ARPC3: variants seen among roughly 807,000 people sequenced by gnomAD.
ARPC3 encodes actin related protein 2/3 complex subunit 3, also known as actin-related protein 2/3 complex subunit 3.
In ARPC3, 12 loss-of-function variants were observed where a neutral mutation model predicts 27.6. That is an observed-to-expected ratio of 0.43 (90% CI 0.28 to 0.70). ARPC3 has a LOEUF of 0.70. ARPC3 is among the 30% of genes least tolerant of loss of function. The pLI, the probability that ARPC3 is intolerant of heterozygous loss-of-function variation, is 0.17. For missense variants in ARPC3, 153 were observed against 207.7 expected (o/e 0.74, Z 1.62); for synonymous variants, 53 against 67.2 (o/e 0.79, Z 1.03).
At chr12:110,437,187 T>C in intron 3 of ARPC3, 35 bp from the exon 4 acceptor site, 1 of 1,375,024 alleles carries the variant, frequency 7.3e-7, no homozygotes, top group Non-Finnish European at 1.0e-6. Context: ...AAAACAGTTA[T>C]CAAAACATAA....
At chr12:110,436,368 C>T in intron 5 of ARPC3, 164 bp from the exon 6 acceptor site, 1 of 1,184,502 alleles carries the variant, frequency 8.4e-7, no homozygotes. Flanking sequence ...TGTTTTTGTT[C>T]AAAAGATTTT....
intron 2 of ARPC3, 108 bp downstream of exon 2, chr12:110,445,344 G>T: frequency 1.2e-6 from 1 of 859,954 alleles, no homozygotes; most frequent in East Asian, 2.5e-5. Flanking sequence ...CAAAGTACAA[G>T]GGCAATTTGA....
chr12:110,445,818 T>C (rs2062461277), intron 1 of ARPC3, among the ~76,000 whole-genome samples: 1 of 152,188 alleles, frequency 6.6e-6, no homozygotes, highest in Non-Finnish European at 1.5e-5. Context: ...AAGTAAATGA[T>C]GTTGGCTGGA....
At chr12:110,442,032 C>G (rs1429188412) in intron 2 of ARPC3, among the ~76,000 whole-genome samples, 2 of 109,102 alleles carry the variant, frequency 1.8e-5, no homozygotes, top group Non-Finnish European at 3.9e-5. Flanking sequence ...ACTCTGTCTC[C>G]AAAAAAAAAA....
intron 2 of ARPC3, chr12:110,445,192 T>C: frequency 4.5e-6 from 2 of 448,182 alleles, no homozygotes; most frequent in Non-Finnish European, 8.2e-6. Context: ...AAAGAACTGA[T>C]AAACAGTGTC....
intron 2 of ARPC3, among the ~76,000 whole-genome samples, chr12:110,443,491 G>T (rs918844481): frequency 2.0e-5 from 3 of 151,880 alleles, no homozygotes; most frequent in African/African-American, 4.8e-5. Context: ...GGAGTGCCAT[G>T]GCACAATCTA....
At chr12:110,447,886 C>CTTTTTTT (rs796202139) in intron 1 of ARPC3, among the ~76,000 whole-genome samples, 1 of 107,168 alleles carries the variant, frequency 9.3e-6, no homozygotes, top group Non-Finnish European at 1.9e-5. Flanking sequence ...ATTTAGAGTC[C>CTTTTTTT]TTTTTTTTTT....
intron 2 of ARPC3, among the ~76,000 whole-genome samples, chr12:110,444,499 G>A (rs1224869296): frequency 6.6e-6 from 1 of 152,046 alleles, no homozygotes; most frequent in Non-Finnish European, 1.5e-5. Context: ...TTGCCAGGCT[G>A]GTCTCGAACT....
chr12:110,436,059 T>C (rs574704287), intron 6 of ARPC3, 51 bp downstream of exon 6: 2 of 1,379,794 alleles, frequency 1.4e-6, no homozygotes, highest in African/African-American at 2.8e-5. Context: ...CAATGGTGGC[T>C]ATGGGATAAA....
chr12:110,443,077 A>G (rs1040683874), intron 2 of ARPC3: 8 of 152,266 alleles, frequency 5.3e-5, no homozygotes, highest in African/African-American at 1.9e-4. Context: ...CCTGTGGAAG[A>G]ATTTCAACAG....
chr12:110,446,663 C>T (rs1252395075), intron 1 of ARPC3, among the ~76,000 whole-genome samples: 8 of 147,500 alleles, frequency 5.4e-5, no homozygotes, highest in Admixed American at 2.1e-4. Flanking sequence ...GGATGGAGTG[C>T]GGTGGCGCGA....
At chr12:110,440,194 G>A (rs78995807) in intron 3 of ARPC3, 118 bp downstream of exon 3, 9 of 758,116 alleles carry the variant, frequency 1.2e-5, no homozygotes, top group South Asian at 4.7e-5. Context: ...CACTGCTCTC[G>A]AATTTAAAAA....
At chr12:110,435,732 T>C (rs1258522730) in intron 6 of ARPC3, among the ~76,000 whole-genome samples, 2 of 152,120 alleles carry the variant, frequency 1.3e-5, no homozygotes, top group East Asian at 3.9e-4. Flanking sequence ...CAAGCGACTC[T>C]CTTGTCTCAG....
At chr12:110,438,705 G>A (rs960446003) in intron 3 of ARPC3, among the ~76,000 whole-genome samples, 6 of 148,288 alleles carry the variant, frequency 4.0e-5, no homozygotes, top group African/African-American at 7.5e-5. Flanking sequence ...GTGCAATGGC[G>A]TGATATTGGC....
chr12:110,435,486 C>T (rs1457920824), intron 6 of ARPC3, among the ~76,000 whole-genome samples: 10 of 152,026 alleles, frequency 6.6e-5, no homozygotes, highest in Admixed American at 5.2e-4. Flanking sequence ...CCTGCCACCA[C>T]GCCTGGCTAA....
At chr12:110,437,942 A>G (rs2062415022) in intron 3 of ARPC3, among the ~76,000 whole-genome samples, 1 of 152,172 alleles carries the variant, frequency 6.6e-6, no homozygotes, top group Non-Finnish European at 1.5e-5. Flanking sequence ...AACCAAAAAG[A>G]AAATGTGGAG....
chr12:110,437,327 C>A, intron 3 of ARPC3, 175 bp from the exon 4 acceptor site: 1 of 603,722 alleles, frequency 1.7e-6, no homozygotes, highest in Non-Finnish European at 3.0e-6. Flanking sequence ...CCTTTTCCGT[C>A]TGCCCCTGGG....
chr12:110,439,989 A>G (rs1348805148), intron 3 of ARPC3, among the ~76,000 whole-genome samples: 1 of 152,200 alleles, frequency 6.6e-6, no homozygotes, highest in Non-Finnish European at 1.5e-5. Flanking sequence ...CAACTACTCA[A>G]TTCTGCTGTT....
intron 3 of ARPC3, among the ~76,000 whole-genome samples, chr12:110,439,559 G>T (rs1284903828): frequency 6.6e-6 from 1 of 152,146 alleles, no homozygotes; most frequent in African/African-American, 2.4e-5. Flanking sequence ...AGGGCCGGGA[G>T]CGGTGGCTCA....
Sources: allele counts gnomAD v4.1 joint callset (sites outside exome capture counted in the v4.1 genomes callset), GRCh38; gene constraint gnomAD v4.1.1; transcripts MANE v1.5; gene names NCBI Gene and HGNC (gene_info 2026-07-23, HGNC 2026-07-21).